Variants in TET2 observed in about 807,000 individuals in gnomAD.
TET2 encodes methylcytosine dioxygenase TET2.
TET2 carries 299 observed loss-of-function variants against 142.9 expected under a neutral mutation model. The observed-to-expected ratio is 2.09, with a 90% CI of 1.90 to 2.30. TET2 has a LOEUF of 2.30. Ranked by LOEUF, TET2 falls within the 30% of genes most tolerant of loss-of-function variation. The pLI, the probability that TET2 is intolerant of heterozygous loss-of-function variation, is 0.00. For missense variants in TET2, 2,418 were observed against 2,378.0 expected (o/e 1.02, Z -0.35); for synonymous variants, 819 against 849.0 (o/e 0.96, Z 0.61).
chr4:105,265,895 A>G (rs1235819040), intron 8 of TET2, among the ~76,000 whole-genome samples: 1 of 152,172 alleles, frequency 6.6e-6, no homozygotes, highest in East Asian at 1.9e-4. Context: ...CAGTGTAGCC[A>G]GTAGGAACCC....
chr4:105,261,407 A>G (rs1302613067), intron 7 of TET2, among the ~76,000 whole-genome samples: 1 of 152,128 alleles, frequency 6.6e-6, no homozygotes, highest in African/African-American at 2.4e-5. Flanking sequence ...TAAGCTAAAG[A>G]AGTTCTTTTA....
chr4:105,192,049 CTT>C (rs1725821870), intron 2 of TET2, among the ~76,000 whole-genome samples: 3 of 152,090 alleles, frequency 2.0e-5, no homozygotes, highest in Non-Finnish European at 4.4e-5. Flanking sequence ...TCATTCTGCT[CTT>C]GTCTTTTACA....
At chr4:105,193,744 G>C (rs978872333) in intron 2 of TET2, among the ~76,000 whole-genome samples, 20 of 152,182 alleles carry the variant, frequency 1.3e-4, no homozygotes, top group African/African-American at 4.8e-4. Context: ...TGGGACATAT[G>C]AGTTTGAATT....
chr4:105,215,875 C>T (rs1027258136), intron 2 of TET2, among the ~76,000 whole-genome samples: 1 of 152,108 alleles, frequency 6.6e-6, no homozygotes, highest in Non-Finnish European at 1.5e-5. Context: ...AATTTTTATA[C>T]GATACCATAA....
intron 10 of TET2, among the ~76,000 whole-genome samples, chr4:105,273,220 A>T (rs1221281251): frequency 2.0e-5 from 3 of 152,184 alleles, no homozygotes; most frequent in Non-Finnish European, 2.9e-5. Flanking sequence ...TTAATTTTGG[A>T]AAGTTATATC....
At chr4:105,194,695 T>C (rs1332103828) in intron 2 of TET2, among the ~76,000 whole-genome samples, 2 of 152,190 alleles carry the variant, frequency 1.3e-5, no homozygotes, top group Non-Finnish European at 2.9e-5. Flanking sequence ...TTAGAGATCA[T>C]AATACAGTGC....
rs763778528 is a variant in TET2, at chr4:105,275,760, CT to C, written c.5251del (p.Tyr1751IlefsTer12). The C allele has an allele frequency of 6.4e-7, 1 of 1,551,750 alleles. No individual in the cohort carries two copies. On this transcript the variant is annotated frameshift_variant, in exon 11 of 11. Transcript: ENST00000380013. LOFTEE classifies it low-confidence loss of function (END_TRUNC). Reference sequence around the variant, plus strand: ...CCAATCTGAGCAATCCAAACATGGACTATAAAAATGGTGAACATCATTCACC... The same window carrying C: ...CCAATCTGAGCAATCCAAACATGGACATAAAAATGGTGAACATCATTCACC... Reference protein sequence around the residue: ...PPNLSNPNMDYKNGEHHSPSH... With the variant: ...PPNLSNPNMDXKNGEHHSPSH...
At chr4:105,242,794 G>T (rs1729373219) in intron 4 of TET2, 40 bp from the exon 5 acceptor site, 2 of 1,533,108 alleles carry the variant, frequency 1.3e-6, no homozygotes, top group Admixed American at 2.2e-5. Context: ...GAATTCATTT[G>T]CTAATTGTAT....
At chr4:105,192,288 C>T (rs1392715189) in intron 2 of TET2, among the ~76,000 whole-genome samples, 1 of 152,034 alleles carries the variant, frequency 6.6e-6, no homozygotes, top group African/African-American at 2.4e-5. Context: ...GTTCTTCCCT[C>T]ATATCTCCTC....
upstream of TET2, chr4:105,146,433 C>G (rs910187684): frequency 1.3e-5 from 2 of 152,514 alleles, no homozygotes; most frequent in African/African-American, 2.4e-5. Flanking sequence ...GGCCCCTACT[C>G]CGCGCTGGTC....
intron 2 of TET2, among the ~76,000 whole-genome samples, chr4:105,201,840 C>T (rs1726495269): frequency 6.8e-6 from 1 of 146,558 alleles, no homozygotes; most frequent in Non-Finnish European, 1.5e-5. Context: ...TTCCCAGGCT[C>T]AGGTGATCCT....
chr4:105,212,642 T>C (rs1225065436), intron 2 of TET2, among the ~76,000 whole-genome samples: 1 of 152,182 alleles, frequency 6.6e-6, no homozygotes, highest in Non-Finnish European at 1.5e-5. Context: ...AAATTAAAAA[T>C]TGAATTAATG....
intron 2 of TET2, among the ~76,000 whole-genome samples, chr4:105,217,491 G>C (rs1304872861): frequency 6.6e-6 from 1 of 151,824 alleles, no homozygotes; most frequent in South Asian, 2.1e-4. Context: ...TCTGAATTAG[G>C]GTTTTCCAAA....
chr4:105,177,563 T>G (rs972599059), intron 1 of TET2: 2 of 152,122 alleles, frequency 1.3e-5, no homozygotes, highest in Admixed American at 6.6e-5. Flanking sequence ...TATTGAAAAT[T>G]AAAACAACAA....
intron 4 of TET2, chr4:105,242,478 C>T: frequency 9.1e-7 from 1 of 1,103,938 alleles, no homozygotes; most frequent in Non-Finnish European, 1.1e-6. Context: ...TTTAAAATAG[C>T]TAAATTTAGT....
At chr4:105,239,067 GTTTTTTGTTTTTT>G (rs1462308361) in intron 3 of TET2, 2 of 91,764 alleles carry the variant, frequency 2.2e-5, no homozygotes, top group Non-Finnish European at 4.2e-5. Context: ...TTTTGGTTTT[GTTTTTTGTTTTTT>G]TTTTTTGTTT....
chr4:105,248,519 CAT>C (rs1729696921), intron 6 of TET2, among the ~76,000 whole-genome samples: 1 of 152,090 alleles, frequency 6.6e-6, no homozygotes, highest in South Asian at 2.1e-4. Flanking sequence ...AATTTCAAGT[CAT>C]ATTAAAATGA....
At position 105,146,971 on chromosome 4, in the gene TET2, G is replaced by C. The variant is rs916669836; in HGVS notation, c.-201G>C. ...CTGGATTGCTGCAAGGCTGAGGGAC[G>C]AGAACGAGGTCAGAGCGCTTCTCTT... On this transcript the variant is annotated 5_prime_UTR_variant, in exon 1 of 11. Transcript: ENST00000380013. 2 of 152,294 alleles carry C rather than the reference G, an allele frequency of 1.3e-5. No homozygotes were observed. The highest frequency in any genetic ancestry group is 2.4e-5 in the African/African-American group (1 of 41,472). 9.4% of individuals were successfully genotyped at this position (152,294 alleles called of 1,614,324 possible). A position where few individuals can be genotyped will look rare whatever the true frequency, so the allele number is the denominator to read the frequency against.
Position 105,236,213 on chromosome 4 carries a change from C to CA in TET2, c.2271_2272insA (p.Gln758ThrfsTer11). The CA allele has an allele frequency of 6.2e-7, 1 of 1,613,918 alleles. No individual in the cohort carries two copies. The highest frequency in any genetic ancestry group is 8.5e-7 in the Non-Finnish European group (1 of 1,179,996). On this transcript the variant is annotated frameshift_variant, in exon 3 of 11. Coordinates refer to ENST00000380013, the MANE Select transcript of TET2 (RefSeq NM_001127208.3). LOFTEE classifies it high-confidence loss of function. The stretch of plus-strand genomic sequence containing the variant: ...AAATAAAGAATAAAGAGGAAATACT[C>CA]CAGACTTTTCCTCACCCCCAAAGCA...
Sources: gnomAD v4.1 joint callset for allele counts (sites outside exome capture counted in the v4.1 genomes callset) on GRCh38, gnomAD v4.1.1 for gene constraint, MANE v1.5 for transcripts, NCBI Gene and HGNC (gene_info 2026-07-23, HGNC 2026-07-21) for gene names.